The following PLEKHG4 variants were observed in gnomAD, a reference collection of about 807,000 sequenced individuals.
PLEKHG4 encodes the protein puratrophin-1.
PLEKHG4 carries 85 observed loss-of-function variants against 136.9 expected under a neutral mutation model. That is an observed-to-expected ratio of 0.62 (90% CI 0.52 to 0.74). The LOEUF (loss-of-function observed/expected upper bound fraction) is 0.74. Among genes scored for constraint, PLEKHG4 ranks in the 30% least tolerant of loss-of-function variants. PLEKHG4 has a pLI of 0.00. For synonymous variants in PLEKHG4, 577 were observed against 646.9 expected (o/e 0.89, Z 1.64); for missense variants, 1,317 against 1,527.8 (o/e 0.86, Z 2.30).
At position 67,279,929 on chromosome 16, in the gene PLEKHG4, C is replaced by T. The variant is rs2036133493; in HGVS notation, c.-116C>T. ...ACTAAGACTGGCACCTCCTGCGGCC[C>T]ATGCCCTTCGCCTGCATTGCCCACT... is the stretch of plus-strand genomic sequence containing the variant. On this transcript the variant is annotated 5_prime_UTR_variant, in exon 2 of 22. Coordinates refer to ENST00000379344, the MANE Select transcript of PLEKHG4 (RefSeq NM_001129729.3). 1.9e-6 allele frequency: 2 copies of T among 1,058,910 alleles called. No individual in the cohort carries two copies. The highest frequency in any genetic ancestry group is 3.2e-5 in the African/African-American group (2 of 63,138). The allele number at this position is 1,058,910 out of a possible 1,614,324, so 65.6% of individuals were successfully genotyped here. A position where few individuals can be genotyped will look rare whatever the true frequency, so the allele number is the denominator to read the frequency against.
upstream of PLEKHG4, chr16:67,278,595 G>A (rs2036070413): frequency 6.6e-6 from 1 of 152,286 alleles, no homozygotes. Context: ...GCTTTCATCA[G>A]TTCAGGATTC....
chr16:67,288,325 T>C lies in PLEKHG4; in HGVS notation c.3379T>C (p.Cys1127Arg), dbSNP rs1312827250. 2.5e-6 allele frequency: 4 copies of C among 1,612,252 alleles called. No individual in the cohort carries two copies. In the South Asian group the frequency reaches 3.3e-5, roughly 13 times the overall value. Residue 1127 changes from cysteine (C) to arginine (R), a missense_variant, in exon 20 of 22, where the codon TGT becomes CGT. Physicochemically the swap from Cys to Arg is radical, Grantham distance 180. Coordinates refer to ENST00000379344, the MANE Select transcript of PLEKHG4 (RefSeq NM_001129729.3). ...YRDPALLGLRCPLYPSFPEEA... is the reference protein window; with the variant it reads ...YRDPALLGLRRPLYPSFPEEA... ...AGACCCAGCTCTTCTGGGTCTCCGC[T>C]GTCCCCTGTATCCCAGCTTCCCAGA...
rs1333052991 is a variant in PLEKHG4, at chr16:67,284,950, G to C, written c.1930G>C (p.Glu644Gln). ...CTGGCTGGCCCTGGACCAAAAGCTT[G>C]AGGCTTCACTGAAGCTACCACCGGT... ...DTWLALDQKL[E>Q]ASLKLPPVGS... The change falls in exon 13 of 22, where the codon GAG becomes CAG. Residue 644 changes from glutamate to glutamine, a missense_variant. Glu to Gln is a conservative substitution (Grantham distance 29). Transcript: ENST00000379344. The surrounding 1 kb of genome is among the most constrained non-coding windows in gnomAD (Gnocchi z 4.4). The C allele has an allele frequency of 6.2e-7, 1 of 1,613,032 alleles. No individual in the cohort carries two copies. Among genetic ancestry groups the C allele is most frequent in the South Asian group, 1.1e-5 (1 of 91,074 alleles).
At chr16:67,282,402 C>A (rs1194751035) in intron 9 of PLEKHG4, 53 bp downstream of exon 9, 2 of 1,612,358 alleles carry the variant, frequency 1.2e-6, no homozygotes, top group Non-Finnish European at 1.7e-6. Flanking sequence ...TATTCTATGC[C>A]AGGACTCATC....
At position 67,280,295 on chromosome 16, in the gene PLEKHG4, G is replaced by A; in HGVS notation, c.251G>A (p.Arg84Lys). The A allele has an allele frequency of 6.2e-7, 1 of 1,613,800 alleles. No individual in the cohort carries two copies. The highest frequency in any genetic ancestry group is 2.2e-5 in the East Asian group (1 of 44,876). The change falls in exon 2 of 22, where the codon AGG (arginine) becomes AAG (lysine). Residue 84 changes from arginine (R) to lysine (K), a missense_variant. Transcript: ENST00000379344. The surrounding 1 kb of genome is among the most constrained non-coding windows in gnomAD (Gnocchi z 4.4). ...PAADESGDAQ[R>K]GTVESSSVLS... ...GCAGATGAGTCGGGGGATGCCCAGA[G>A]GGGCACAGTAGAAAGCTCCTCAGTC...
upstream of PLEKHG4, chr16:67,278,497 C>G (rs181485693): frequency 6.6e-6 from 1 of 152,372 alleles, no homozygotes; most frequent in East Asian, 1.9e-4. Flanking sequence ...CTGACCTTCC[C>G]ACAATCTTCC....
In PLEKHG4 at chr16:67,280,198, C is replaced by G. The variant is rs765925084; in HGVS notation, c.154C>G (p.Pro52Ala). The change falls in exon 2 of 22, where the codon CCA becomes GCA. Residue 52 changes from proline (P) to alanine (A), a missense_variant. Physicochemically the swap from Pro to Ala is conservative, Grantham distance 27. Coordinates refer to ENST00000379344, the MANE Select transcript of PLEKHG4 (RefSeq NM_001129729.3). This position sits in a 1 kb window ranked among gnomAD's most constrained non-coding sequence, Gnocchi z 4.4. ...TAAGGACCCAGGTCCTCCAAGACCA[C>G]CAGCCGGGGCCACCCAGGATGAGGA... ...HVKDPGPPRPPAGATQDEELQ... is the reference protein window; with the variant it reads ...HVKDPGPPRPAAGATQDEELQ... The G allele has an allele frequency of 6.2e-7, 1 of 1,613,708 alleles. No homozygotes were observed. The highest frequency in any genetic ancestry group is 8.5e-7 in the Non-Finnish European group (1 of 1,179,946).
intron 7 of PLEKHG4, 74 bp downstream of exon 7, chr16:67,281,911 G>C: frequency 6.5e-7 from 1 of 1,543,148 alleles, no homozygotes; most frequent in Non-Finnish European, 8.9e-7. Flanking sequence ...CTCTGGGGCT[G>C]GCTTGAACCA....
chr16:67,284,470 C>A lies in PLEKHG4; in HGVS notation c.1692+13C>A. 6.2e-7 allele frequency: 1 copy of A among 1,612,136 alleles called. No individual in the cohort carries two copies. The highest frequency in any genetic ancestry group is 1.1e-5 in the South Asian group (1 of 90,944). On this transcript the variant is annotated intron_variant, in intron 12 of 21. Transcript: ENST00000379344. The surrounding 1 kb of genome is among the most constrained non-coding windows in gnomAD (Gnocchi z 4.4). ...GCTCTTCAGGGAGGTGGGTGAGAGTCTCCCCAGCTCCAAGTGATCCATGAG... is the reference window on the plus strand; with the variant it reads ...GCTCTTCAGGGAGGTGGGTGAGAGTATCCCCAGCTCCAAGTGATCCATGAG...
chr16:67,279,123 T>G (rs1038672563), upstream of PLEKHG4: 2 of 152,122 alleles, frequency 1.3e-5, no homozygotes, highest in Non-Finnish European at 2.9e-5. Context: ...CCCCGCCCCG[T>G]CCCGCGGTGC....
Position 67,288,823 on chromosome 16 carries a change from G to T in PLEKHG4, c.*15G>T. ...TGCAGGTCTGAGCCCGGGACTGGAC[G>T]AGCAGTAGATCCAGCAGCCTGCAGC... On this transcript the variant is annotated 3_prime_UTR_variant, in exon 22 of 22. Transcript: ENST00000379344. 1 of 1,613,448 alleles carries T rather than the reference G, an allele frequency of 6.2e-7. No individual in the cohort carries two copies. The highest frequency in any genetic ancestry group is 1.7e-5 in the Admixed American group (1 of 59,972).
In PLEKHG4 at chr16:67,284,986, G is replaced by A; in HGVS notation, c.1966G>A (p.Ala656Thr). The A allele has an allele frequency of 6.2e-7, 1 of 1,613,372 alleles. No homozygotes were observed. The highest frequency in any genetic ancestry group is 8.5e-7 in the Non-Finnish European group (1 of 1,179,984). Residue 656 changes from alanine (A) to threonine (T), a missense_variant, in exon 13 of 22, where the codon GCT becomes ACT. Transcript: ENST00000379344. This position sits in a 1 kb window ranked among gnomAD's most constrained non-coding sequence, Gnocchi z 4.4. ...GAAGCTACCACCGGTGGGCAGCACA[G>A]CTAGCCTGTGTGTCAGCCAGGTCCC... ...SLKLPPVGST[A>T]SLCVSQVPAA...
rs765061929 is a variant in PLEKHG4 at position 67,281,192 on chromosome 16, C to T, written c.813+8C>T. On this transcript the variant is annotated splice_region_variant and intron_variant, in intron 5 of 21. Coordinates refer to ENST00000379344, the MANE Select transcript of PLEKHG4 (RefSeq NM_001129729.3). Reference sequence around the variant, plus strand: ...GGGCTCAGCCAACTACAAGTGAGTACAGGATTGTAGCTCCCCTCATTCCTT... The same window carrying T: ...GGGCTCAGCCAACTACAAGTGAGTATAGGATTGTAGCTCCCCTCATTCCTT... 22 of 1,539,656 alleles carry T rather than the reference C, an allele frequency of 1.4e-5. No homozygotes were observed. Among genetic ancestry groups the T allele is most frequent in the Non-Finnish European group, 2.0e-5 (22 of 1,113,228 alleles).
intron 18 of PLEKHG4, chr16:67,287,555 A>G: frequency 2.1e-6 from 1 of 481,468 alleles, no homozygotes; most frequent in South Asian, 2.1e-5. Flanking sequence ...ATGTGCCACC[A>G]TGCCTAATTT....
In PLEKHG4 at chr16:67,284,243, G is replaced by C; in HGVS notation, c.1510-32G>C. 3 of 1,605,592 alleles carry C rather than the reference G, an allele frequency of 1.9e-6. No homozygotes were observed. Among genetic ancestry groups the C allele is most frequent in the Non-Finnish European group, 1.7e-6 (2 of 1,173,900 alleles). On this transcript the variant is annotated intron_variant, in intron 11 of 21. Transcript: ENST00000379344. The surrounding 1 kb of genome is among the most constrained non-coding windows in gnomAD (Gnocchi z 4.4). The stretch of plus-strand genomic sequence containing the variant: ...GTCTGGGGGCTAGACCGCCAGGCCT[G>C]GGCTGGCTGAGCCTAGTCTCTGTCT...
rs143286697 is a variant in PLEKHG4 at position 67,288,993 on chromosome 16, G to C, written c.*185G>C. The C allele has an allele frequency of 4.0e-4, 289 of 725,770 alleles. No homozygotes were observed. The African/African-American group carries it at 4.2e-3, about 10-fold the overall frequency. The allele number at this position is 725,770 out of a possible 1,614,324, so 45.0% of individuals were successfully genotyped here. A position where few individuals can be genotyped will look rare whatever the true frequency, so the allele number is the denominator to read the frequency against. On this transcript the variant is annotated 3_prime_UTR_variant, in exon 22 of 22. Transcript: ENST00000379344. Reference sequence around the variant, plus strand: ...CTAACTGGCACGGGGCCTCTCTAGGGAAGTCTGGTTGTAGAGCCTGAATAG... The same window carrying C: ...CTAACTGGCACGGGGCCTCTCTAGGCAAGTCTGGTTGTAGAGCCTGAATAG...
rs1304086948 is a variant in PLEKHG4, at chr16:67,280,154, C to T, written c.110C>T (p.Pro37Leu). ...AGGGATGCCTGGGAAGAGGAGGAAC[C>T]TGCTTCCCAGATGCACGTTAAGGAC... Reference protein sequence around the residue: ...SFRDAWEEEEPASQMHVKDPG... With the variant: ...SFRDAWEEEELASQMHVKDPG... The change falls in exon 2 of 22, where the codon CCT (proline) becomes CTT (leucine). Residue 37 changes from proline to leucine, a missense_variant. Pro to Leu is a moderately conservative substitution (Grantham distance 98, BLOSUM62 -3). Transcript: ENST00000379344. This position sits in a 1 kb window ranked among gnomAD's most constrained non-coding sequence, Gnocchi z 4.4. The T allele has an allele frequency of 1.9e-6, 3 of 1,613,892 alleles. No homozygotes were observed. Among genetic ancestry groups the T allele is most frequent in the South Asian group, 1.1e-5 (1 of 91,084 alleles).
In PLEKHG4 at chr16:67,285,059, G is replaced by A. The variant is rs757630130; in HGVS notation, c.2039G>A (p.Arg680Gln). Residue 680 changes from arginine (R) to glutamine (Q), a missense_variant, in exon 13 of 22, where the codon CGG becomes CAG. Arg to Gln is a conservative substitution (Grantham distance 43). Transcript: ENST00000379344. The stretch of plus-strand genomic sequence containing the variant: ...CTGAGGAAGGCCTACAGCTTCGATC[G>A]GAATCTGGGGCAGAGTCTCAGTGAA... Reference protein sequence around the residue: ...PPLRKAYSFDRNLGQSLSEPA... With the variant: ...PPLRKAYSFDQNLGQSLSEPA... 13 of 1,613,356 alleles carry A rather than the reference G, an allele frequency of 8.1e-6. No individual in the cohort carries two copies. Among genetic ancestry groups the A allele is most frequent in the Admixed American group, 1.7e-5 (1 of 60,014 alleles).
chr16:67,279,959 C>T lies in PLEKHG4; in HGVS notation c.-86C>T, dbSNP rs995505022. On this transcript the variant is annotated 5_prime_UTR_variant, in exon 2 of 22. Coordinates refer to ENST00000379344, the MANE Select transcript of PLEKHG4 (RefSeq NM_001129729.3). ...CCTTCGCCTGCATTGCCCACTGAGT[C>T]CCACTCGACTGTCTTCAGCGCGGTT... is the stretch of plus-strand genomic sequence containing the variant. 5 of 1,395,326 alleles carry T rather than the reference C, an allele frequency of 3.6e-6. No homozygotes were observed. The Admixed American group carries it at 1.1e-4, about 30-fold the overall frequency. The allele number at this position is 1,395,326 out of a possible 1,614,324, so 86.4% of individuals were successfully genotyped here. A position where few individuals can be genotyped will look rare whatever the true frequency, so the allele number is the denominator to read the frequency against.
Sources: allele counts gnomAD v4.1 joint callset, GRCh38; gene constraint gnomAD v4.1.1; non-coding constraint Gnocchi (gnomAD v3.1); transcripts MANE v1.5; gene names NCBI Gene and HGNC (gene_info 2026-07-23, HGNC 2026-07-21).